The following CSMD2 variants were observed in gnomAD, a reference collection of about 807,000 sequenced individuals.
CSMD2 encodes CUB and Sushi multiple domains 2, also known as CUB and sushi domain-containing protein 2.
A neutral mutation model predicts 398.5 loss-of-function variants in CSMD2; 130 were observed. The observed-to-expected ratio is 0.33, with a 90% CI of 0.28 to 0.38. CSMD2 has a LOEUF of 0.38. CSMD2 is among the 10% of genes least tolerant of loss of function. CSMD2 has a pLI of 1.00. For missense variants in CSMD2, 3,829 were observed against 4,764.9 expected (o/e 0.80, Z 5.78); for synonymous variants, 1,828 against 1,908.5 (o/e 0.96, Z 1.10).
intron 5 of CSMD2, among the ~76,000 whole-genome samples, chr1:33,911,194 A>G (rs1193138491): frequency 1.3e-5 from 2 of 152,234 alleles, no homozygotes; most frequent in Non-Finnish European, 2.9e-5. Flanking sequence ...AAGAGTCTCA[A>G]TAAATGATTA....
In CSMD2 at chr1:33,897,114, T is replaced by A. The variant is rs112121203; in HGVS notation, c.920+20980A>T. ...ACCAGAAGCTAAAGTGGCTCCTCTA[T>A]GGGGTAAACTGAGGCACTGAGGCAC... is the stretch of plus-strand genomic sequence containing the variant. On this transcript the variant is annotated intron_variant, in intron 5 of 70. Coordinates refer to ENST00000373381, the MANE Select transcript of CSMD2 (RefSeq NM_001281956.2). Among the ~76,000 whole-genome samples the A allele has an allele frequency of 3.4e-3, 525 of 152,222 alleles. 2 individuals carry two copies. Among genetic ancestry groups the A allele is most frequent in the African/African-American group, 0.011 (466 of 41,526 alleles).
chr1:34,091,389 T>TTACTATC (rs1469567391), intron 1 of CSMD2, among the ~76,000 whole-genome samples: 2 of 152,186 alleles, frequency 1.3e-5, no homozygotes, highest in African/African-American at 4.8e-5. Context: ...GTAGATACTA[T>TTACTATC]TACTATCATC....
chr1:34,015,295 T>C (rs1340688996), intron 3 of CSMD2, among the ~76,000 whole-genome samples: 1 of 152,226 alleles, frequency 6.6e-6, no homozygotes, highest in Non-Finnish European at 1.5e-5. Context: ...ATTATGCTCA[T>C]ACCCCTATTT....
intron 5 of CSMD2, among the ~76,000 whole-genome samples, chr1:33,876,351 G>T (rs1640838895): frequency 6.6e-6 from 1 of 152,192 alleles, no homozygotes; most frequent in African/African-American, 2.4e-5. Context: ...CTACTTACTA[G>T]CCATGTGGCC....
At chr1:33,908,279 C>G (rs1643238609) in intron 5 of CSMD2, among the ~76,000 whole-genome samples, 1 of 152,122 alleles carries the variant, frequency 6.6e-6, no homozygotes. Flanking sequence ...AACATGAAAA[C>G]AGAGACCAGG....
intron 3 of CSMD2, among the ~76,000 whole-genome samples, chr1:34,009,082 G>A (rs564722844): frequency 6.6e-6 from 1 of 152,180 alleles, no homozygotes; most frequent in African/African-American, 2.4e-5. Flanking sequence ...CTTGGAGCCA[G>A]CTGCAGAGAA....
intron 6 of CSMD2, among the ~76,000 whole-genome samples, chr1:33,829,850 G>A (rs1659291965): frequency 6.6e-6 from 1 of 152,228 alleles, no homozygotes. Context: ...CACACCAGGA[G>A]ATTATATTCC....
intron 19 of CSMD2, among the ~76,000 whole-genome samples, chr1:33,720,885 G>A (rs1206796324): frequency 6.6e-6 from 1 of 152,024 alleles, no homozygotes; most frequent in Non-Finnish European, 1.5e-5. Context: ...ATTTTTAGTA[G>A]ACACGGGGTT....
chr1:33,574,001 A>T (rs1659838125), intron 49 of CSMD2, among the ~76,000 whole-genome samples: 1 of 152,210 alleles, frequency 6.6e-6, no homozygotes, highest in Admixed American at 6.5e-5. Flanking sequence ...AAGATAATGG[A>T]ACAAAGCTTT....
intron 4 of CSMD2, among the ~76,000 whole-genome samples, chr1:33,923,629 T>C (rs1440193506): frequency 3.3e-5 from 5 of 152,244 alleles, no homozygotes; most frequent in Non-Finnish European, 5.9e-5. Context: ...ATCACTTTTA[T>C]GTGTTGGGAA....
chr1:34,033,080 A>G (rs1650664587), intron 2 of CSMD2, among the ~76,000 whole-genome samples: 2 of 152,196 alleles, frequency 1.3e-5, no homozygotes, highest in Admixed American at 1.3e-4. Flanking sequence ...ATATTTATTC[A>G]CATAGTAAGG....
intron 2 of CSMD2, among the ~76,000 whole-genome samples, chr1:34,037,898 T>A (rs1651351880): frequency 6.6e-6 from 1 of 152,258 alleles, no homozygotes; most frequent in Non-Finnish European, 1.5e-5. Context: ...TAATGTACAC[T>A]GTCAACAAAC....
At chr1:33,686,043 T>A (rs992338011) in intron 25 of CSMD2, among the ~76,000 whole-genome samples, 1 of 152,194 alleles carries the variant, frequency 6.6e-6, no homozygotes, top group African/African-American at 2.4e-5. Flanking sequence ...ACTGGGTAAT[T>A]GTCAGATCTC....
At chr1:33,941,801 C>T (rs544342772) in intron 3 of CSMD2, among the ~76,000 whole-genome samples, 6 of 151,986 alleles carry the variant, frequency 3.9e-5, no homozygotes, top group Middle Eastern at 3.4e-3. Context: ...TCTCCATTTC[C>T]TCTCCATTCA....
rs1398624869 is a variant in CSMD2 at position 33,546,186 on chromosome 1, A to G, written c.8951T>C (p.Ile2984Thr). The G allele has an allele frequency of 6.2e-7, 1 of 1,614,086 alleles. No individual in the cohort carries two copies. Among genetic ancestry groups the G allele is most frequent in the Non-Finnish European group, 8.5e-7 (1 of 1,179,962 alleles). Residue 2984 changes from isoleucine (I) to threonine (T), a missense_variant, in exon 57 of 71, where the codon ATC becomes ACC. This residue lies in a region of CSMD2 where 917 missense variants were observed against 1,199.5 expected (regional missense o/e 0.76). Coordinates refer to ENST00000373381, the MANE Select transcript of CSMD2 (RefSeq NM_001281956.2). ...CCCCAAACGGATGCCATGAGCCGGG[A>G]TCCCAGGGTCACCGCAAACTCCCAC... Reference protein sequence around the residue: ...TSVGVCGDPGIPAHGIRLGDS... With the variant: ...TSVGVCGDPGTPAHGIRLGDS...
At chr1:33,777,019 A>G (rs1652077081) in intron 12 of CSMD2, among the ~76,000 whole-genome samples, 1 of 152,138 alleles carries the variant, frequency 6.6e-6, no homozygotes, top group Admixed American at 6.6e-5. Flanking sequence ...GGAGGAGATC[A>G]GTGACAGTGA....
At chr1:33,844,293 G>GT in intron 6 of CSMD2, among the ~76,000 whole-genome samples, 1 of 151,968 alleles carries the variant, frequency 6.6e-6, no homozygotes, top group Non-Finnish European at 1.5e-5. Flanking sequence ...TGTGTGGGGG[G>GT]GCGCTGCTAA....
intron 13 of CSMD2, among the ~76,000 whole-genome samples, chr1:33,745,771 GA>G (rs1647299094): frequency 6.6e-6 from 1 of 152,136 alleles, no homozygotes; most frequent in Admixed American, 6.5e-5. Flanking sequence ...GGGAGAGAAG[GA>G]CATGAAAAGG....
chr1:33,626,473 A>G lies in CSMD2; in HGVS notation c.5296+13T>C, dbSNP rs1440729959. 9.5e-6 allele frequency: 15 copies of G among 1,582,592 alleles called. No homozygotes were observed. The highest frequency in any genetic ancestry group is 1.2e-5 in the Non-Finnish European group (14 of 1,162,958). On this transcript the variant is annotated intron_variant, in intron 33 of 70. Coordinates refer to ENST00000373381, the MANE Select transcript of CSMD2 (RefSeq NM_001281956.2). ...GATCACCTTCCTACCTCCGGCGTCC[A>G]TGTCCTCCATACCTTGGTAGACAAA...
Sources: allele counts gnomAD v4.1 joint callset (sites outside exome capture counted in the v4.1 genomes callset), GRCh38; gene constraint gnomAD v4.1.1; regional missense constraint gnomAD v4.1.1; transcripts MANE v1.5; gene names NCBI Gene and HGNC (gene_info 2026-07-23, HGNC 2026-07-21).